The following MTA3 variants were observed in gnomAD, a reference collection of about 807,000 sequenced individuals.
The protein encoded by MTA3 is metastasis associated 1 family member 3.
A neutral mutation model predicts 83.5 loss-of-function variants in MTA3; 34 were observed. That is an observed-to-expected ratio of 0.41 (90% CI 0.31 to 0.54). MTA3 has a LOEUF of 0.54. Among genes scored for constraint, MTA3 ranks in the 20% least tolerant of loss-of-function variants. MTA3 has a pLI of 0.33. For synonymous variants in MTA3, 303 were observed against 252.7 expected, an observed-to-expected ratio of 1.20 and a Z score of -1.89; for missense variants, 761 against 726.4, an observed-to-expected ratio of 1.05 and a Z score of -0.55.
chr2:42,496,081 A>G (rs74543151), intron 2 of MTA3, among the ~76,000 whole-genome samples: 5,497 of 152,284 alleles, frequency 0.036, 145 homozygotes, highest in South Asian at 0.091. Flanking sequence ...TTGCTCTAAC[A>G]TTATTGTAGG....
intron 11 of MTA3, chr2:42,703,933 A>G: frequency 3.4e-6 from 1 of 293,036 alleles, no homozygotes; most frequent in Non-Finnish European, 6.5e-6. Flanking sequence ...AGGAAATTGT[A>G]TTCGGACCAG....
At chr2:42,689,893 T>A (rs541353252) in intron 9 of MTA3, among the ~76,000 whole-genome samples, 1 of 152,038 alleles carries the variant, frequency 6.6e-6, no homozygotes, top group African/African-American at 2.4e-5. Context: ...ATTTTCTGTT[T>A]CAGTGATTTC....
chr2:42,716,028 G>A lies in MTA3; in HGVS notation c.1526-2960G>A, dbSNP rs148262004. Among the ~76,000 whole-genome samples, 15 of 152,296 alleles carry A rather than the reference G, an allele frequency of 9.8e-5. No homozygotes were observed. In the East Asian group the frequency reaches 2.9e-3, roughly 29 times the overall value. ...TAACTCAATGGTTTGGCAGGCGTTTGATCCTTACAGGCTTTGGGTTGCTTC... is the reference window on the plus strand; with the variant it reads ...TAACTCAATGGTTTGGCAGGCGTTTAATCCTTACAGGCTTTGGGTTGCTTC... On this transcript the variant is annotated intron_variant, in intron 14 of 16. Coordinates refer to ENST00000405094, the MANE Select transcript of MTA3 (RefSeq NM_001330442.2).
intron 2 of MTA3, among the ~76,000 whole-genome samples, chr2:42,561,351 C>G (rs1677665658): frequency 6.7e-6 from 1 of 150,160 alleles, no homozygotes; most frequent in East Asian, 2.0e-4. Context: ...TAGATGGAAT[C>G]TCGCTCTGTT....
At chr2:42,663,012 G>A (rs1430514852) in intron 8 of MTA3, among the ~76,000 whole-genome samples, 1 of 152,078 alleles carries the variant, frequency 6.6e-6, no homozygotes, top group Non-Finnish European at 1.5e-5. Flanking sequence ...TTACAGGTGT[G>A]AGCCACTGTG....
chr2:42,724,923 G>C (rs972925989), intron 16 of MTA3, among the ~76,000 whole-genome samples: 2 of 152,192 alleles, frequency 1.3e-5, no homozygotes, highest in Non-Finnish European at 2.9e-5. Flanking sequence ...GAATGGACGG[G>C]GCACACAATG....
chr2:42,548,835 T>TTATATA (rs1676900062), intron 2 of MTA3, among the ~76,000 whole-genome samples: 1 of 14,620 alleles, frequency 6.8e-5, no homozygotes, highest in Non-Finnish European at 1.4e-4. Flanking sequence ...ATATAATATA[T>TTATATA]ATATATATAT....
chr2:42,504,546 A>C (rs920651029), intron 2 of MTA3, among the ~76,000 whole-genome samples: 1 of 151,986 alleles, frequency 6.6e-6, no homozygotes, highest in African/African-American at 2.4e-5. Flanking sequence ...AGCCCCATGA[A>C]CCACATTCTT....
At chr2:42,659,286 G>C (rs181079222) in intron 7 of MTA3, among the ~76,000 whole-genome samples, 37 of 152,192 alleles carry the variant, frequency 2.4e-4, no homozygotes, top group African/African-American at 8.9e-4. Context: ...GATTTTAGTA[G>C]AAATCTGTTT....
chr2:42,552,227 A>C (rs1055071307), intron 2 of MTA3, among the ~76,000 whole-genome samples: 2 of 152,180 alleles, frequency 1.3e-5, no homozygotes, highest in African/African-American at 4.8e-5. Context: ...GGGAATAATC[A>C]GACCAGTGTG....
intron 2 of MTA3, among the ~76,000 whole-genome samples, chr2:42,548,598 C>A (rs771003569): frequency 7.3e-5 from 11 of 149,996 alleles, no homozygotes; most frequent in African/African-American, 1.5e-4. Flanking sequence ...TCAAGACCAG[C>A]CTGGGCAACA....
At chr2:42,615,577 A>T (rs566727918) in intron 4 of MTA3, among the ~76,000 whole-genome samples, 4 of 151,846 alleles carry the variant, frequency 2.6e-5, no homozygotes, top group African/African-American at 9.7e-5. Context: ...GATGGTCTTG[A>T]TCTCATGACC....
intron 9 of MTA3, 87 bp downstream of exon 9, chr2:42,682,676 G>A (rs1692032505): frequency 3.3e-6 from 4 of 1,226,264 alleles, no homozygotes; most frequent in Non-Finnish European, 4.5e-6. Flanking sequence ...TATTCATTTA[G>A]CAAGTTTGTG....
chr2:42,714,351 G>A (rs901224649), intron 14 of MTA3, among the ~76,000 whole-genome samples: 2 of 151,612 alleles, frequency 1.3e-5, no homozygotes, highest in African/African-American at 4.9e-5. Flanking sequence ...TTGCCAAGCA[G>A]ATTTTTTTTT....
chr2:42,694,259 G>A (rs1693173906), intron 9 of MTA3, among the ~76,000 whole-genome samples: 1 of 151,840 alleles, frequency 6.6e-6, no homozygotes, highest in South Asian at 2.1e-4. Flanking sequence ...TAGCCACCCT[G>A]GGTGTCTCCC....
Position 42,716,972 on chromosome 2 carries a change from A to T in MTA3, c.1526-2016A>T, listed in dbSNP as rs190106541. Among the ~76,000 whole-genome samples, 18 of 151,564 alleles carry T rather than the reference A, an allele frequency of 1.2e-4. No individual in the cohort carries two copies. The East Asian group carries it at 2.5e-3, about 21-fold the overall frequency. The stretch of plus-strand genomic sequence containing the variant: ...TGTATAGCATTTCTTTTTCTCTTCA[A>T]CCTGTTTTCTCTGCCAGCATCTGTT... On this transcript the variant is annotated intron_variant, in intron 14 of 16. Transcript: ENST00000405094.
At position 42,508,128 on chromosome 2, in the gene MTA3, C is replaced by A. The variant is rs577290488; in HGVS notation, c.-141+12874C>A. On this transcript the variant is annotated intron_variant, in intron 2 of 17. Coordinates refer to the MTA3 transcript ENST00000405592. ...TGCCTAGAGCACGAACACATTGTCC[C>A]AGAGCATTAGGTGGGTCATTCCTTC... 1.4e-4 allele frequency among the ~76,000 whole-genome samples: 22 copies of A among 152,184 alleles called. No homozygotes were observed. The South Asian group carries it at 1.7e-3, about 11-fold the overall frequency.
At chr2:42,671,069 A>G (rs1420203751) in intron 8 of MTA3, among the ~76,000 whole-genome samples, 4 of 152,002 alleles carry the variant, frequency 2.6e-5, no homozygotes. Context: ...TTCATTCCTG[A>G]ACGATTCGTT....
chr2:42,561,654 A>T (rs1677680641), intron 2 of MTA3, among the ~76,000 whole-genome samples: 2 of 152,120 alleles, frequency 1.3e-5, no homozygotes, highest in South Asian at 4.1e-4. Context: ...CACTAAGCCA[A>T]CCATGTCAGC....
Sources: allele counts gnomAD v4.1 joint callset (sites outside exome capture counted in the v4.1 genomes callset), GRCh38; gene constraint gnomAD v4.1.1; transcripts MANE v1.5; gene names NCBI Gene and HGNC (gene_info 2026-07-23, HGNC 2026-07-21).